Variants in ERC2 observed in about 807,000 individuals in gnomAD.
The protein encoded by ERC2 is ELKS/RAB6-interacting/CAST family member 2.
In ERC2, 42 loss-of-function variants were observed where a neutral mutation model predicts 114.8. The observed-to-expected ratio is 0.37, with a 90% CI of 0.29 to 0.47. The LOEUF is 0.47. Ranked by LOEUF, ERC2 falls within the 20% of genes least tolerant of loss-of-function variation. The pLI is 0.99. For synonymous variants in ERC2, 454 were observed against 425.5 expected (o/e 1.07, Z -0.82); for missense variants, 939 against 1,150.7 (o/e 0.82, Z 2.66).
chr3:55,827,058 A>T (rs915078789), intron 14 of ERC2, among the ~76,000 whole-genome samples: 1 of 152,224 alleles, frequency 6.6e-6, no homozygotes, highest in Non-Finnish European at 1.5e-5. Context: ...GGCTGCCTTA[A>T]CAAAAGGAAG....
At chr3:55,750,543 C>T (rs1325399209) in intron 14 of ERC2, among the ~76,000 whole-genome samples, 1 of 152,064 alleles carries the variant, frequency 6.6e-6, no homozygotes, top group Non-Finnish European at 1.5e-5. Context: ...TGGGGGCAGG[C>T]TTCACAGAGG....
chr3:56,428,121 C>A lies in ERC2; in HGVS notation c.657+6230G>T, dbSNP rs2061642504. On this transcript the variant is annotated intron_variant, in intron 2 of 17. Transcript: ENST00000288221. The stretch of plus-strand genomic sequence containing the variant: ...AGTACATCTGAGTTCCACCCACAAA[C>A]CTGATGAAATTCTATCACTCACTTC... Among the ~76,000 whole-genome samples, 3 of 152,264 alleles carry A rather than the reference C, an allele frequency of 2.0e-5. No homozygotes were observed. The South Asian group carries it at 6.2e-4, about 32-fold the overall frequency.
chr3:56,293,977 T>C (rs1015077817), intron 3 of ERC2, among the ~76,000 whole-genome samples: 3 of 152,262 alleles, frequency 2.0e-5, no homozygotes, highest in African/African-American at 7.2e-5. Context: ...GTGCTGCAGA[T>C]GGAGATTTCT....
At chr3:55,752,559 G>A (rs373935479) in intron 14 of ERC2, among the ~76,000 whole-genome samples, 29 of 152,320 alleles carry the variant, frequency 1.9e-4, no homozygotes, top group African/African-American at 5.8e-4. Flanking sequence ...GAAATACATA[G>A]CTAACACACA....
chr3:56,100,012 A>C (rs2078268420), intron 6 of ERC2, among the ~76,000 whole-genome samples: 1 of 152,112 alleles, frequency 6.6e-6, no homozygotes, highest in Non-Finnish European at 1.5e-5. Context: ...GACTGAGGGG[A>C]GGCAGAAGAC....
intron 15 of ERC2, among the ~76,000 whole-genome samples, chr3:55,728,840 G>A (rs534572120): frequency 8.3e-4 from 127 of 152,280 alleles, no homozygotes; most frequent in Middle Eastern, 3.4e-3. Flanking sequence ...ATAAAGTCAC[G>A]GAGGGTATTT....
At chr3:56,259,520 G>C (rs1288649269) in intron 3 of ERC2, among the ~76,000 whole-genome samples, 1 of 151,960 alleles carries the variant, frequency 6.6e-6, no homozygotes, top group East Asian at 1.9e-4. Flanking sequence ...CATTATATCA[G>C]AGTGACTGGG....
chr3:56,061,074 C>G (rs1344875631), intron 7 of ERC2, among the ~76,000 whole-genome samples: 4 of 152,144 alleles, frequency 2.6e-5, no homozygotes, highest in African/African-American at 9.7e-5. Flanking sequence ...TTGCTTGTTG[C>G]TACTGACATC....
chr3:55,805,668 CACA>C (rs201785688), intron 14 of ERC2, among the ~76,000 whole-genome samples: 2 of 131,490 alleles, frequency 1.5e-5, no homozygotes, highest in African/African-American at 6.9e-5. Context: ...ATTGCTTATT[CACA>C]ACAACAACAA....
chr3:56,333,931 C>G (rs1421790175), intron 2 of ERC2, among the ~76,000 whole-genome samples: 1 of 152,216 alleles, frequency 6.6e-6, no homozygotes, highest in Non-Finnish European at 1.5e-5. Flanking sequence ...ATATAACCCA[C>G]TCTCTCCCAC....
intron 12 of ERC2, among the ~76,000 whole-genome samples, chr3:55,953,493 T>C (rs1216261212): frequency 6.6e-6 from 1 of 152,178 alleles, no homozygotes; most frequent in Non-Finnish European, 1.5e-5. Context: ...TTCACACATA[T>C]TTCTAGCAGT....
intron 14 of ERC2, among the ~76,000 whole-genome samples, chr3:55,860,817 G>A (rs2061995105): frequency 6.6e-6 from 1 of 152,172 alleles, no homozygotes; most frequent in East Asian, 1.9e-4. Context: ...CTAACAAAAA[G>A]CATACATGAG....
At chr3:56,152,635 A>C (rs1463007277) in intron 4 of ERC2, among the ~76,000 whole-genome samples, 1 of 152,110 alleles carries the variant, frequency 6.6e-6, no homozygotes, top group African/African-American at 2.4e-5. Flanking sequence ...TCTTTATATT[A>C]TATTTTGGTT....
intron 3 of ERC2, among the ~76,000 whole-genome samples, chr3:56,265,847 A>T (rs1233998539): frequency 6.6e-6 from 1 of 151,582 alleles, no homozygotes; most frequent in African/African-American, 2.4e-5. Flanking sequence ...TGGCCAACAT[A>T]CTGAAATCTT....
chr3:55,561,218 A>T (rs2107478683), intron 17 of ERC2, among the ~76,000 whole-genome samples: 1 of 151,626 alleles, frequency 6.6e-6, no homozygotes, highest in East Asian at 1.9e-4. Flanking sequence ...ACATCTTGGG[A>T]TTTCTATCAC....
intron 14 of ERC2, among the ~76,000 whole-genome samples, chr3:55,875,309 T>G (rs2062776485): frequency 6.6e-6 from 1 of 152,116 alleles, no homozygotes; most frequent in South Asian, 2.1e-4. Context: ...ATGACAGCAA[T>G]TGAACTGTTA....
chr3:55,725,766 A>T (rs892704914), intron 15 of ERC2, among the ~76,000 whole-genome samples: 1 of 152,254 alleles, frequency 6.6e-6, no homozygotes, highest in African/African-American at 2.4e-5. Flanking sequence ...CTCTGGGAAG[A>T]TGCCCTTCTG....
At chr3:55,819,779 T>G (rs1024885674) in intron 14 of ERC2, among the ~76,000 whole-genome samples, 1 of 152,218 alleles carries the variant, frequency 6.6e-6, no homozygotes, top group Non-Finnish European at 1.5e-5. Context: ...CACAGAAGCC[T>G]TCTCTGCCCC....
intron 13 of ERC2, among the ~76,000 whole-genome samples, chr3:55,922,964 C>T (rs1326581580): frequency 6.6e-6 from 1 of 152,064 alleles, no homozygotes; most frequent in Non-Finnish European, 1.5e-5. Context: ...CTGTGGAAAA[C>T]AGTATGGCAG....
Sources: allele counts gnomAD v4.1 joint callset (sites outside exome capture counted in the v4.1 genomes callset), GRCh38; gene constraint gnomAD v4.1.1; transcripts MANE v1.5; gene names NCBI Gene and HGNC (gene_info 2026-07-23, HGNC 2026-07-21).